Variants in SIPA1L3 observed in about 807,000 individuals in gnomAD.
SIPA1L3 encodes signal induced proliferation associated 1 like 3, also known as signal-induced proliferation-associated 1-like protein 3.
SIPA1L3 carries 59 observed loss-of-function variants against 150.1 expected under a neutral mutation model. That is an observed-to-expected ratio of 0.39 (90% CI 0.32 to 0.49). The LOEUF (loss-of-function observed/expected upper bound fraction) is 0.49, where lower values mean the gene tolerates loss of function less well. Ranked by LOEUF, SIPA1L3 falls within the 20% of genes least tolerant of loss-of-function variation. The pLI is 0.86. For synonymous variants in SIPA1L3, 1,070 were observed against 1,077.6 expected (o/e 0.99, Z 0.14); for missense variants, 2,211 against 2,489.5 (o/e 0.89, Z 2.38).
chr19:38,143,201 C>T (rs1055697177), intron 12 of SIPA1L3, among the ~76,000 whole-genome samples: 1 of 152,190 alleles, frequency 6.6e-6, no homozygotes, highest in African/African-American at 2.4e-5. Flanking sequence ...TCAGGATAAA[C>T]TTGGCATTCA....
At chr19:38,159,416 CCCTCAG>C (rs1175446296) in intron 13 of SIPA1L3, among the ~76,000 whole-genome samples, 1 of 152,216 alleles carries the variant, frequency 6.6e-6, no homozygotes, top group East Asian at 1.9e-4. Context: ...GACCTCCTCC[CCCTCAG>C]CCTCAGGTCC....
intron 15 of SIPA1L3, among the ~76,000 whole-genome samples, chr19:38,175,937 G>T (rs529760862): frequency 5.5e-4 from 84 of 152,292 alleles, no homozygotes; most frequent in South Asian, 3.5e-3. Context: ...GCTGGGCGCT[G>T]TGGCTCACGC....
intron 1 of SIPA1L3, among the ~76,000 whole-genome samples, chr19:38,010,773 C>G (rs1968078571): frequency 6.6e-6 from 1 of 152,116 alleles, no homozygotes; most frequent in Non-Finnish European, 1.5e-5. Flanking sequence ...TGGATGGAGC[C>G]TCACCTCTAC....
At chr19:37,951,741 C>CA (rs1322867849) in intron 1 of SIPA1L3, among the ~76,000 whole-genome samples, 1 of 151,704 alleles carries the variant, frequency 6.6e-6, no homozygotes, top group Non-Finnish European at 1.5e-5. Flanking sequence ...TACTAAAATG[C>CA]AAAAAATTAG....
intron 1 of SIPA1L3, among the ~76,000 whole-genome samples, chr19:37,947,833 C>G (rs987157074): frequency 2.0e-5 from 3 of 152,190 alleles, no homozygotes; most frequent in Non-Finnish European, 1.5e-5. Context: ...CCTGCAGTTT[C>G]TTGCCAAATC....
rs953577405 is a variant in SIPA1L3, at chr19:38,164,765, A to G, written c.4067A>G (p.His1356Arg). Reference protein sequence around the residue: ...GGREAAGRSHHADRRREVSPA... With the variant: ...GGREAAGRSHRADRRREVSPA... ...CGCGAGGCCGCTGGGAGGTCCCACC[A>G]CGCAGACAGGCGGCGGGAGGTCTCC... Residue 1356 changes from histidine to arginine, a missense_variant, in exon 15 of 22, where the codon CAC becomes CGC. His to Arg is a conservative substitution (Grantham distance 29, BLOSUM62 0). Transcript: ENST00000222345. The surrounding 1 kb of genome is among the most constrained non-coding windows in gnomAD (Gnocchi z 4.1). 2 of 1,612,846 alleles carry G rather than the reference A, an allele frequency of 1.2e-6. No individual in the cohort carries two copies. The highest frequency in any genetic ancestry group is 2.7e-5 in the African/African-American group (2 of 74,898).
intron 2 of SIPA1L3, among the ~76,000 whole-genome samples, chr19:38,049,826 G>A (rs1382594386): frequency 6.6e-6 from 1 of 152,014 alleles, no homozygotes; most frequent in African/African-American, 2.4e-5. Flanking sequence ...CCACTTTGCT[G>A]TTGTCCTGCT....
chr19:38,204,181 GA>G lies in SIPA1L3; in HGVS notation c.5178del (p.Lys1726AsnfsTer107). Reference protein sequence around the residue: ...GKVYQLEVMLKQLHTDLQKEK... With the variant: ...GKVYQLEVMLXQLHTDLQKEK... ...AGGTGTACCAGCTGGAGGTGATGCT[GA>G]AACAGCTGCACACTGACCTGCAGAA... On this transcript the variant is annotated frameshift_variant, in exon 21 of 22. Transcript: ENST00000222345. LOFTEE classifies it high-confidence loss of function. The G allele has an allele frequency of 6.4e-7, 1 of 1,558,262 alleles. No individual in the cohort carries two copies. Among genetic ancestry groups the G allele is most frequent in the Non-Finnish European group, 8.7e-7 (1 of 1,150,304 alleles).
chr19:38,068,333 A>G (rs573708580), intron 2 of SIPA1L3, among the ~76,000 whole-genome samples: 5 of 152,212 alleles, frequency 3.3e-5, no homozygotes, highest in Admixed American at 1.3e-4. Context: ...CCGGCCGAAA[A>G]ATCAGATTCT....
chr19:38,014,827 G>A (rs375994770), intron 1 of SIPA1L3, among the ~76,000 whole-genome samples: 4 of 151,908 alleles, frequency 2.6e-5, no homozygotes, highest in African/African-American at 9.7e-5. Context: ...CTGCCACCAC[G>A]CCTGGCTAAT....
intron 13 of SIPA1L3, among the ~76,000 whole-genome samples, chr19:38,154,437 T>G (rs1301863452): frequency 6.6e-6 from 1 of 152,166 alleles, no homozygotes; most frequent in Non-Finnish European, 1.5e-5. Context: ...AAGTTGATTT[T>G]ATTTTATTTA....
intron 10 of SIPA1L3, among the ~76,000 whole-genome samples, chr19:38,134,393 C>A (rs1347035945): frequency 6.2e-4 from 71 of 113,634 alleles, no homozygotes; most frequent in Non-Finnish European, 8.2e-4. Flanking sequence ...CCACTGCACT[C>A]AAGCTTTCTC....
At chr19:38,000,623 GT>G (rs1278019843) in intron 1 of SIPA1L3, among the ~76,000 whole-genome samples, 1 of 147,512 alleles carries the variant, frequency 6.8e-6, no homozygotes, top group African/African-American at 2.5e-5. Context: ...GTTGAAAAAT[GT>G]TATTTTTCAC....
chr19:38,148,849 A>G (rs1285434613), intron 12 of SIPA1L3, among the ~76,000 whole-genome samples: 2 of 152,138 alleles, frequency 1.3e-5, no homozygotes, highest in South Asian at 2.1e-4. Flanking sequence ...ACCCTTTATA[A>G]AGTGAGTTAT....
rs779740628 is a variant in SIPA1L3 at position 38,119,868 on chromosome 19, G to C, written c.2854G>C (p.Val952Leu). 3 of 1,606,850 alleles carry C rather than the reference G, an allele frequency of 1.9e-6. No homozygotes were observed. The highest frequency in any genetic ancestry group is 2.7e-5 in the African/African-American group (2 of 74,820). ...TTCTGTGGAGGACATAAGGGAGATA[G>C]TGCAGAGACTGAAGGTAAGGGAGAG... is the stretch of plus-strand genomic sequence containing the variant. ...EGSVEDIREI[V>L]QRLKVMTSGW... The change falls in exon 9 of 22, where the codon GTG becomes CTG. Residue 952 changes from valine (V) to leucine (L), a missense_variant. By Grantham distance (32) the Val-to-Leu change is conservative (BLOSUM62 1). Transcript: ENST00000222345.
chr19:38,130,314 A>G (rs1429427608), intron 9 of SIPA1L3, among the ~76,000 whole-genome samples, 184 bp from the exon 10 acceptor site: 1 of 152,192 alleles, frequency 6.6e-6, no homozygotes, highest in African/African-American at 2.4e-5. Flanking sequence ...CCCTCCAGAA[A>G]TCAGGAAGCC....
intron 1 of SIPA1L3, among the ~76,000 whole-genome samples, chr19:37,933,760 C>A (rs1298955435): frequency 1.3e-5 from 2 of 152,210 alleles, no homozygotes; most frequent in Non-Finnish European, 2.9e-5. Flanking sequence ...TGTCCTGCAA[C>A]CCCTGCAGTC....
chr19:38,089,704 A>G (rs855640), intron 4 of SIPA1L3, among the ~76,000 whole-genome samples: 27,438 of 152,222 alleles, frequency 0.18, 2,829 homozygotes, highest in African/African-American at 0.28. Flanking sequence ...TTAAATGTCA[A>G]CTGTAGCTAG....
intron 9 of SIPA1L3, among the ~76,000 whole-genome samples, chr19:38,123,046 G>A (rs1971059400): frequency 6.6e-6 from 1 of 152,204 alleles, no homozygotes; most frequent in Non-Finnish European, 1.5e-5. Flanking sequence ...GGAACCGAGT[G>A]CAGGCACAAA....
Sources: allele counts gnomAD v4.1 joint callset (sites outside exome capture counted in the v4.1 genomes callset), GRCh38; gene constraint gnomAD v4.1.1; non-coding constraint Gnocchi (gnomAD v3.1); transcripts MANE v1.5; gene names NCBI Gene and HGNC (gene_info 2026-07-23, HGNC 2026-07-21).